Variants in SASH1 observed in about 807,000 individuals in gnomAD.
SASH1 encodes SAM and SH3 domain containing 1.
A neutral mutation model predicts 125.2 loss-of-function variants in SASH1; 44 were observed. The observed-to-expected ratio is 0.35, with a 90% CI of 0.28 to 0.45. The LOEUF (loss-of-function observed/expected upper bound fraction) is 0.45. SASH1 is among the 20% of genes least tolerant of loss of function. SASH1 has a pLI of 1.00. For synonymous variants in SASH1, 639 were observed against 649.1 expected, an observed-to-expected ratio of 0.98 and a Z score of 0.24; for missense variants, 1,426 against 1,614.5, an observed-to-expected ratio of 0.88 and a Z score of 2.00.
chr6:148,440,484 G>C, intron 4 of SASH1, 77 bp downstream of exon 4: 1 of 1,234,200 alleles, frequency 8.1e-7, no homozygotes, highest in Non-Finnish European at 1.2e-6. Context: ...AAATCAAACA[G>C]GCGATCATGT....
intron 1 of SASH1, among the ~76,000 whole-genome samples, chr6:148,294,473 A>G (rs1779712774): frequency 6.6e-6 from 1 of 152,226 alleles, no homozygotes; most frequent in South Asian, 2.1e-4. Context: ...AATAGGAATG[A>G]TAGTAATAGG....
intron 4 of SASH1, among the ~76,000 whole-genome samples, chr6:148,453,405 T>A (rs1453165366): frequency 6.6e-6 from 1 of 152,198 alleles, no homozygotes; most frequent in East Asian, 1.9e-4. Flanking sequence ...GCTTAGTGCG[T>A]GCTCCCTGCA....
chr6:148,500,260 T>C lies in SASH1; in HGVS notation c.729+12545T>C, dbSNP rs188035550. ...TCCTTTCAAGATACAGTTGAGGGCT[T>C]CATTTTGTGGTCCATTTATGTTTGT... On this transcript the variant is annotated intron_variant, in intron 8 of 19. Coordinates refer to ENST00000367467, the MANE Select transcript of SASH1 (RefSeq NM_015278.5). 3.9e-4 allele frequency among the ~76,000 whole-genome samples: 59 copies of C among 152,128 alleles called. 1 individual carries two copies. In the East Asian group the frequency reaches 0.01, roughly 27 times the overall value.
chr6:148,313,170 A>G (rs1780381954), intron 1 of SASH1, among the ~76,000 whole-genome samples: 1 of 152,204 alleles, frequency 6.6e-6, no homozygotes, highest in Non-Finnish European at 1.5e-5. Context: ...AGGGAAGCTT[A>G]CAGAAGCTGA....
At chr6:148,305,031 AAATAAATC>A (rs1364265507) in intron 1 of SASH1, among the ~76,000 whole-genome samples, 2 of 152,230 alleles carry the variant, frequency 1.3e-5, no homozygotes, top group African/African-American at 4.8e-5. Context: ...ACTCAGTCTC[AAATAAATC>A]AATAAATAAA....
chr6:148,279,136 C>T (rs1779267433), intron 1 of SASH1, among the ~76,000 whole-genome samples: 2 of 151,978 alleles, frequency 1.3e-5, no homozygotes, highest in Admixed American at 6.6e-5. Flanking sequence ...GGACTACAGG[C>T]GCATGCTGCT....
chr6:148,440,297 G>C, intron 3 of SASH1, 61 bp from the exon 4 acceptor site: 1 of 1,607,446 alleles, frequency 6.2e-7, no homozygotes, highest in South Asian at 1.1e-5. Flanking sequence ...GTGACACTCT[G>C]TACAAATCAG....
intron 2 of SASH1, among the ~76,000 whole-genome samples, chr6:148,396,501 A>AAG (rs1274942485): frequency 1.4e-3 from 207 of 148,770 alleles, no homozygotes; most frequent in African/African-American, 5.0e-3. Context: ...AAAAAAAAAA[A>AAG]AAGAAAGAAA....
intron 7 of SASH1, among the ~76,000 whole-genome samples, chr6:148,477,692 ATTTTTT>A (rs71004300): frequency 2.1e-5 from 2 of 95,874 alleles, no homozygotes; most frequent in Non-Finnish European, 3.8e-5. Context: ...CACCTGGCTA[ATTTTTT>A]TTTTTTTTTT....
At position 148,422,928 on chromosome 6, in the gene SASH1, TTTTGTTTGTTTG is replaced by T. The variant is rs539105266; in HGVS notation, c.286-17240_286-17229del. On this transcript the variant is annotated intron_variant, in intron 2 of 19. Coordinates refer to ENST00000367467, the MANE Select transcript of SASH1 (RefSeq NM_015278.5). ...ATATGATATCTATCCGTGTGTGGTT[TTTTGTTTGTTTG>T]TTTGTTTGTTTGTTTTTAAGATGGA... Among the ~76,000 whole-genome samples, 7 of 152,198 alleles carry T rather than the reference TTTTGTTTGTTTG, an allele frequency of 4.6e-5. No homozygotes were observed. The South Asian group carries it at 1.4e-3, about 31-fold the overall frequency.
In SASH1 at chr6:148,280,660, T is replaced by C. The variant is rs536487209; in HGVS notation, n.74+8283T>C. 4.6e-5 allele frequency among the ~76,000 whole-genome samples: 7 copies of C among 152,088 alleles called. No homozygotes were observed. The South Asian group carries it at 1.5e-3, about 32-fold the overall frequency. On this transcript the variant is annotated intron_variant and non_coding_transcript_variant, in intron 1 of 3. Coordinates refer to the SASH1 transcript ENST00000367469. ...CCGTCCCTACAAAAAGAAAAAAAATTAGCTGAGTGTGGTTGCACATGCCTA... is the reference window on the plus strand; with the variant it reads ...CCGTCCCTACAAAAAGAAAAAAAATCAGCTGAGTGTGGTTGCACATGCCTA...
the SASH1 span, among the ~76,000 whole-genome samples, chr6:148,222,665 A>G: frequency 6.6e-6 from 1 of 152,248 alleles, no homozygotes; most frequent in Non-Finnish European, 1.5e-5. Flanking sequence ...ATAATTCTCC[A>G]CATAAGGAAA....
At chr6:148,444,636 A>T (rs747765391) in intron 4 of SASH1, among the ~76,000 whole-genome samples, 2 of 152,192 alleles carry the variant, frequency 1.3e-5, no homozygotes, top group Admixed American at 1.3e-4. Context: ...AAAGAAGGCC[A>T]AGGGAGATTT....
At chr6:148,269,564 G>T (rs1305721321), upstream of SASH1, among the ~76,000 whole-genome samples, 1 of 152,152 alleles carries the variant, frequency 6.6e-6, no homozygotes, top group African/African-American at 2.4e-5. Context: ...TTTGTTTAGG[G>T]TTGTAATTTT....
At chr6:148,447,367 C>T (rs544772931) in intron 4 of SASH1, among the ~76,000 whole-genome samples, 3 of 152,266 alleles carry the variant, frequency 2.0e-5, no homozygotes, top group East Asian at 3.9e-4. Context: ...ATGTTCTCTG[C>T]GGACACTTAC....
chr6:148,387,620 C>G (rs1330457480), intron 1 of SASH1, among the ~76,000 whole-genome samples: 1 of 24,696 alleles, frequency 4.0e-5, no homozygotes, highest in Non-Finnish European at 8.5e-5. Flanking sequence ...TTCTTTCTTT[C>G]TTTCTTTCTT....
chr6:148,241,481 C>T, the SASH1 span, among the ~76,000 whole-genome samples: 1 of 152,166 alleles, frequency 6.6e-6, no homozygotes, highest in South Asian at 2.1e-4. Context: ...ATGGCATCTC[C>T]TCTTGCTTTT....
In SASH1 at chr6:148,533,777, G is replaced by A; in HGVS notation, c.1741G>A (p.Asp581Asn). 1.2e-6 allele frequency: 2 copies of A among 1,612,632 alleles called. No homozygotes were observed. The highest frequency in any genetic ancestry group is 1.7e-6 in the Non-Finnish European group (2 of 1,179,484). ...TTTGCTCCCTGGGCCACAGAAAGGA[G>A]ATATCATCGATATAATCAGCAAGCC... ...DTDSLKLKKGDIIDIISKPPM... is the reference protein window; with the variant it reads ...DTDSLKLKKGNIIDIISKPPM... Residue 581 changes from aspartate (D) to asparagine (N), a missense_variant, in exon 15 of 20, where the codon GAT (aspartate) becomes AAT (asparagine). Around this residue, in one of 3 missense-constraint regions of SASH1, gnomAD observed 225 missense variants for 344.5 expected, o/e 0.65. Transcript: ENST00000367467. The surrounding 1 kb of genome is among the most constrained non-coding windows in gnomAD (Gnocchi z 6.2).
In SASH1 at chr6:148,533,934, C is replaced by G. The variant is rs1184247756; in HGVS notation, c.1898C>G (p.Pro633Arg). Residue 633 changes from proline to arginine, a missense_variant, in exon 15 of 20, where the codon CCC (proline) becomes CGC (arginine). Physicochemically the swap from Pro to Arg is moderately radical, Grantham distance 103. Coordinates refer to ENST00000367467, the MANE Select transcript of SASH1 (RefSeq NM_015278.5). The surrounding 1 kb of genome is among the most constrained non-coding windows in gnomAD (Gnocchi z 6.2). Reference protein sequence around the residue: ...PTRRRRKGRPPQPKSVEDLLD... With the variant: ...PTRRRRKGRPRQPKSVEDLLD... ...AGGAGGCGTCGGAAAGGACGACCAC[C>G]CCAGCCCAAGTCTGTGGAGGATCTC... 1.9e-6 allele frequency: 3 copies of G among 1,613,844 alleles called. No individual in the cohort carries two copies. The Admixed American group carries it at 5.0e-5, about 27-fold the overall frequency.
Sources: gnomAD v4.1 joint callset for allele counts (sites outside exome capture counted in the v4.1 genomes callset) on GRCh38, gnomAD v4.1.1 for gene constraint, gnomAD v4.1.1 regional missense constraint, Gnocchi (gnomAD v3.1) non-coding constraint, MANE v1.5 for transcripts, NCBI Gene and HGNC (gene_info 2026-07-23, HGNC 2026-07-21) for gene names.